KRI1: variants seen among roughly 807,000 people sequenced by gnomAD.
KRI1 encodes the protein protein KRI1 homolog.
Under a neutral mutation model 97.0 loss-of-function variants are expected in KRI1, and 83 were observed. The ratio of observed to expected loss-of-function variants is 0.86; its 90% CI spans 0.72 to 1.03. The LOEUF (loss-of-function observed/expected upper bound fraction) is 1.03, where lower values mean the gene tolerates loss of function less well. Ranked by LOEUF, KRI1 falls within the 50% of genes least tolerant of loss-of-function variation. The pLI, the probability that KRI1 is intolerant of heterozygous loss-of-function variation, is 0.00. For synonymous variants in KRI1, 371 were observed against 363.5 expected (o/e 1.02, Z -0.23); for missense variants, 916 against 928.4 (o/e 0.99, Z 0.17).
intron 4 of KRI1, among the ~76,000 whole-genome samples, chr19:10,562,405 C>T (rs1189853011): frequency 1.3e-5 from 2 of 151,148 alleles, no homozygotes; most frequent in Non-Finnish European, 3.0e-5. Context: ...GTGCAGTGGC[C>T]TGATCATAGC....
At position 10,553,339 on chromosome 19, in the gene KRI1, G is replaced by C; in HGVS notation, c.*612C>G. The C allele has an allele frequency of 2.7e-6, 1 of 376,742 alleles. No individual in the cohort carries two copies. The highest frequency in any genetic ancestry group is 4.8e-6 in the Non-Finnish European group (1 of 206,718). The allele number at this position is 376,742 out of a possible 1,614,324, so 23.3% of individuals were successfully genotyped here. A position where few individuals can be genotyped will look rare whatever the true frequency, so the allele number is the denominator to read the frequency against. On this transcript the variant is annotated 3_prime_UTR_variant, in exon 19 of 19. Coordinates refer to ENST00000312962, the MANE Select transcript of KRI1 (RefSeq NM_023008.5). ...TGACTCACGTACTGTAGTTTGCACT[G>C]GACGCCCGGGCCCTCCCTGTCCCAA...
At chr19:10,564,670 TAA>T (rs1223934593) in intron 3 of KRI1, among the ~76,000 whole-genome samples, 1 of 152,148 alleles carries the variant, frequency 6.6e-6, no homozygotes, top group African/African-American at 2.4e-5. Flanking sequence ...CACCACCAGG[TAA>T]TAACCTAGGC....
At position 10,561,089 on chromosome 19, in the gene KRI1, A is replaced by T; in HGVS notation, c.586-9T>A. 1.9e-6 allele frequency: 3 copies of T among 1,613,924 alleles called. No individual in the cohort carries two copies. ...TCGGCCTCCTCCTGGGCCTGGGGGA[A>T]AGCTAGCACTGAGCATCCGCAGATG... On this transcript the variant is annotated splice_polypyrimidine_tract_variant and intron_variant, in intron 7 of 18. Transcript: ENST00000312962.
At position 10,559,604 on chromosome 19, in the gene KRI1, C is replaced by G. The variant is rs201807816; in HGVS notation, c.1023+9G>C. 27 of 1,613,962 alleles carry G rather than the reference C, an allele frequency of 1.7e-5. No individual in the cohort carries two copies. In the East Asian group the frequency reaches 1.8e-4, roughly 11 times the overall value. ...GGGGGGTCCTCCCCAGCTCACCCCC[C>G]ACACTCACCCTCTTCTTTCGCTCCC... On this transcript the variant is annotated intron_variant, in intron 11 of 18. Coordinates refer to ENST00000312962, the MANE Select transcript of KRI1 (RefSeq NM_023008.5).
intron 8 of KRI1, 85 bp downstream of exon 8, chr19:10,560,918 C>T: frequency 9.4e-7 from 1 of 1,059,556 alleles, no homozygotes; most frequent in Non-Finnish European, 1.5e-6. Flanking sequence ...CATATCCCAT[C>T]TTCAGAGGGT....
At chr19:10,565,402 G>A (rs1396476887) in intron 2 of KRI1, 1 of 513,940 alleles carries the variant, frequency 1.9e-6, no homozygotes, top group African/African-American at 2.0e-5. Context: ...GCCCCACGTG[G>A]CGCAAGGAGT....
Position 10,558,095 on chromosome 19 carries a change from G to A in KRI1, c.1271-35C>T, listed in dbSNP as rs770062458. Reference sequence around the variant, plus strand: ...GGGAGAACAGACAGGTGGGGCCAGGGTGGGACCTTGGGCTTCAGTCCCAGT... The same window carrying A: ...GGGAGAACAGACAGGTGGGGCCAGGATGGGACCTTGGGCTTCAGTCCCAGT... On this transcript the variant is annotated intron_variant, in intron 13 of 18. Coordinates refer to ENST00000312962, the MANE Select transcript of KRI1 (RefSeq NM_023008.5). 9 of 1,613,790 alleles carry A rather than the reference G, an allele frequency of 5.6e-6. No homozygotes were observed. In the South Asian group the frequency reaches 7.7e-5, roughly 14 times the overall value.
intron 8 of KRI1, 141 bp downstream of exon 8, chr19:10,560,862 C>G (rs1341922357): frequency 2.9e-6 from 2 of 684,862 alleles, no homozygotes; most frequent in East Asian, 2.7e-5. Flanking sequence ...CGGCACCCAG[C>G]CTATCCCCAT....
At chr19:10,564,287 CCT>C (rs1475855769) in intron 3 of KRI1, among the ~76,000 whole-genome samples, 1 of 151,020 alleles carries the variant, frequency 6.6e-6, no homozygotes, top group Non-Finnish European at 1.5e-5. Context: ...ATGGAGAAAC[CCT>C]GTCTCTACTA....
chr19:10,562,622 C>T (rs934933405), intron 4 of KRI1, 107 bp downstream of exon 4: 1 of 713,972 alleles, frequency 1.4e-6, no homozygotes, highest in Non-Finnish European at 2.6e-6. Context: ...CATGAGCCAC[C>T]ATGCCCGGCC....
chr19:10,559,739 C>T (rs759709819), intron 10 of KRI1, 31 bp from the exon 11 acceptor site: 40 of 1,613,922 alleles, frequency 2.5e-5, no homozygotes, highest in African/African-American at 6.7e-5. Flanking sequence ...CCACAAGGGC[C>T]GCAGAGATGA....
chr19:10,555,269 C>T lies in KRI1; in HGVS notation c.1682+16G>A, dbSNP rs755725872. ...GCCCCCTGCGCATGTGGCCCCGCCGCGCCCCGCCCCATCACCTGTACATGC... is the reference window on the plus strand; with the variant it reads ...GCCCCCTGCGCATGTGGCCCCGCCGTGCCCCGCCCCATCACCTGTACATGC... On this transcript the variant is annotated intron_variant, in intron 17 of 18. Coordinates refer to ENST00000312962, the MANE Select transcript of KRI1 (RefSeq NM_023008.5). 4.0e-5 allele frequency: 36 copies of T among 904,652 alleles called. No homozygotes were observed. The highest frequency in any genetic ancestry group is 3.1e-4 in the African/African-American group (13 of 42,430). The allele number at this position is 904,652 out of a possible 1,614,324, so 56.0% of individuals were successfully genotyped here.
At chr19:10,557,726 C>T (rs376995088) in intron 15 of KRI1, 43 bp downstream of exon 15, 171 of 1,613,998 alleles carry the variant, frequency 1.1e-4, no homozygotes, top group Non-Finnish European at 1.3e-4. Context: ...CCAGGCCCCG[C>T]GGTGCCCCCT....
intron 16 of KRI1, among the ~76,000 whole-genome samples, chr19:10,556,966 A>G (rs1485839324): frequency 6.6e-6 from 1 of 152,056 alleles, no homozygotes; most frequent in Non-Finnish European, 1.5e-5. Flanking sequence ...TGGGTGACAG[A>G]GCGAGACTAT....
chr19:10,563,149 G>A (rs1428699547), intron 3 of KRI1, among the ~76,000 whole-genome samples: 5 of 151,596 alleles, frequency 3.3e-5, no homozygotes, highest in Non-Finnish European at 5.9e-5. Flanking sequence ...TCTGCCTCCC[G>A]GGTTCAAGCT....
Position 10,561,207 on chromosome 19 carries a change from T to C in KRI1, c.547A>G (p.Ser183Gly). The change falls in exon 7 of 19, where the codon AGT becomes GGT. Residue 183 changes from serine (S) to glycine (G), a missense_variant. By Grantham distance (56) the Ser-to-Gly change is moderately conservative. Transcript: ENST00000312962. ...DEDGAGEGGSSLLQKRAKTRQ... is the reference protein window; with the variant it reads ...DEDGAGEGGSGLLQKRAKTRQ... ...GTTTTGGCACGTTTCTGCAGCAAAC[T>C]GGAGCCGCCCTCCCCAGCGCCGTCC... The C allele has an allele frequency of 6.2e-7, 1 of 1,614,128 alleles. No homozygotes were observed. The highest frequency in any genetic ancestry group is 8.5e-7 in the Non-Finnish European group (1 of 1,180,024).
chr19:10,557,693 C>T lies in KRI1; in HGVS notation c.1487-11G>A, dbSNP rs753069633. 5.6e-6 allele frequency: 9 copies of T among 1,614,094 alleles called. 1 individual carries two copies. The South Asian group carries it at 9.9e-5, about 18-fold the overall frequency. ...CGAACGTCTTGTCCCCTGCTCGAGA[C>T]AGAGCCAGGCTGCTGGGCTATGCCA... On this transcript the variant is annotated splice_polypyrimidine_tract_variant and intron_variant, in intron 15 of 18. Coordinates refer to ENST00000312962, the MANE Select transcript of KRI1 (RefSeq NM_023008.5).
In KRI1 at chr19:10,560,951, T is replaced by G. The variant is rs990226469; in HGVS notation, c.663+52A>C. 2.2e-6 allele frequency: 3 copies of G among 1,376,830 alleles called. No individual in the cohort carries two copies. The Admixed American group carries it at 5.0e-5, about 23-fold the overall frequency. 85.3% of individuals were successfully genotyped at this position (1,376,830 alleles called of 1,614,324 possible). A position where few individuals can be genotyped will look rare whatever the true frequency, so the allele number is the denominator to read the frequency against. On this transcript the variant is annotated intron_variant, in intron 8 of 18. Coordinates refer to ENST00000312962, the MANE Select transcript of KRI1 (RefSeq NM_023008.5). ...GGTTACTTTCTGTAAATAGGTTGGA[T>G]GGACGCGGAACACGCGGTCTACTCC...
intron 2 of KRI1, 79 bp downstream of exon 2, chr19:10,565,638 C>T: frequency 6.8e-7 from 1 of 1,478,064 alleles, no homozygotes. Flanking sequence ...TGGGGGTTCC[C>T]CCCCGTCTAC....
Sources: gnomAD v4.1 joint callset for allele counts (sites outside exome capture counted in the v4.1 genomes callset) on GRCh38, gnomAD v4.1.1 for gene constraint, MANE v1.5 for transcripts, NCBI Gene and HGNC (gene_info 2026-07-23, HGNC 2026-07-21) for gene names.